Variants in SMC1B observed in about 807,000 individuals in gnomAD.
SMC1B encodes the protein structural maintenance of chromosomes protein 1B.
A neutral mutation model predicts 157.9 loss-of-function variants in SMC1B; 60 were observed. The observed-to-expected ratio is 0.38, with a 90% CI of 0.31 to 0.47. SMC1B has a LOEUF of 0.47. Ranked by LOEUF, SMC1B falls within the 20% of genes least tolerant of loss-of-function variation. SMC1B has a pLI of 0.99. For missense variants in SMC1B, 1,165 were observed against 1,426.2 expected (o/e 0.82, Z 2.95); for synonymous variants, 445 against 483.0 (o/e 0.92, Z 1.03).
chr22:45,413,019 G>A (rs1299419923), intron 1 of SMC1B, among the ~76,000 whole-genome samples: 4 of 151,762 alleles, frequency 2.6e-5, no homozygotes, highest in Non-Finnish European at 5.9e-5. Flanking sequence ...GGCCCAGGGC[G>A]GGACCGGGGC....
At chr22:45,397,660 T>C (rs2087140668) in intron 6 of SMC1B, among the ~76,000 whole-genome samples, 1 of 152,142 alleles carries the variant, frequency 6.6e-6, no homozygotes, top group African/African-American at 2.4e-5. Context: ...CCTAATTGGT[T>C]TTTCACATTG....
chr22:45,413,347 G>C lies in SMC1B; in HGVS notation c.109+112C>G, dbSNP rs2087375820. 10 of 793,104 alleles carry C rather than the reference G, an allele frequency of 1.3e-5. No individual in the cohort carries two copies. In the East Asian group the frequency reaches 2.8e-4, roughly 22 times the overall value. The allele number at this position is 793,104 out of a possible 1,614,324, so 49.1% of individuals were successfully genotyped here. On this transcript the variant is annotated intron_variant, in intron 1 of 24. Transcript: ENST00000357450. ...CGCGGTCAGGCTCCGGGACTGGAAG[G>C]GGAAGGCCGGCCAGGCGCCCGCGGC...
In SMC1B at chr22:45,407,862, A is replaced by G. The variant is rs1325109947; in HGVS notation, c.298+848T>C. 1.3e-5 allele frequency among the ~76,000 whole-genome samples: 2 copies of G among 152,012 alleles called. 1 individual carries two copies. The highest frequency in any genetic ancestry group is 3.9e-4 in the East Asian group (2 of 5,180). ...ATCAAAGGCTCAAAAGAATGCAACC[A>G]CTGGTCTCTTTTCTATCCACACCTT... is the stretch of plus-strand genomic sequence containing the variant. On this transcript the variant is annotated intron_variant, in intron 2 of 24. Transcript: ENST00000357450.
chr22:45,399,797 C>T (rs116547034), intron 5 of SMC1B, among the ~76,000 whole-genome samples: 2,643 of 152,178 alleles, frequency 0.017, 76 homozygotes, highest in African/African-American at 0.062. Flanking sequence ...GTCTGTAAGA[C>T]TAAAAGCAAA....
At chr22:45,386,794 G>T (rs1489377199) in intron 11 of SMC1B, 73 bp downstream of exon 11, 1 of 1,304,492 alleles carries the variant, frequency 7.7e-7, no homozygotes, top group Non-Finnish European at 1.1e-6. Flanking sequence ...ATATTTGTGT[G>T]TGTTTGTGTA....
chr22:45,346,859 A>G (rs922690265), intron 23 of SMC1B, among the ~76,000 whole-genome samples: 2 of 152,200 alleles, frequency 1.3e-5, no homozygotes, highest in Non-Finnish European at 2.9e-5. Context: ...AACTGCTCAT[A>G]CTCAATTCAG....
At chr22:45,357,645 A>G (rs1296882143) in intron 19 of SMC1B, among the ~76,000 whole-genome samples, 1 of 152,056 alleles carries the variant, frequency 6.6e-6, no homozygotes, top group Non-Finnish European at 1.5e-5. Flanking sequence ...CTTTGGCTAG[A>G]CATTTCATGA....
chr22:45,386,998 C>T lies in SMC1B; in HGVS notation c.1780G>A (p.Val594Met). Residue 594 changes from valine to methionine, a missense_variant, in exon 11 of 25, where the codon GTG becomes ATG. Coordinates refer to ENST00000357450, the MANE Select transcript of SMC1B (RefSeq NM_148674.5). ...AACTGAGTCTTTATGACATCAATCA[C>T]CATTTTACAGCCTTTAAGCTCCCTT... is the stretch of plus-strand genomic sequence containing the variant. ...RLRELKGCKMVIDVIKTQFPQ... is the reference protein window; with the variant it reads ...RLRELKGCKMMIDVIKTQFPQ... The T allele has an allele frequency of 2.5e-6, 4 of 1,614,002 alleles. No individual in the cohort carries two copies. Among genetic ancestry groups the T allele is most frequent in the Non-Finnish European group, 2.5e-6 (3 of 1,179,906 alleles).
chr22:45,409,398 T>C (rs2087302280), intron 1 of SMC1B, among the ~76,000 whole-genome samples: 1 of 151,848 alleles, frequency 6.6e-6, no homozygotes, highest in African/African-American at 2.4e-5. Flanking sequence ...GCCCCCTCTC[T>C]ACCAAAAAAT....
intron 4 of SMC1B, among the ~76,000 whole-genome samples, chr22:45,404,578 C>A (rs936003341): frequency 5.9e-5 from 9 of 152,222 alleles, no homozygotes; most frequent in African/African-American, 1.9e-4. Flanking sequence ...GAACATTGGT[C>A]TCTACAATCC....
At chr22:45,374,090 G>GTTTTTT (rs35971057) in intron 12 of SMC1B, among the ~76,000 whole-genome samples, 1 of 85,512 alleles carries the variant, frequency 1.2e-5, no homozygotes, top group Non-Finnish European at 2.1e-5. Flanking sequence ...AACAAAGACG[G>GTTTTTT]TTTTTTTTTT....
chr22:45,348,718 G>GTTTTTT (rs59086824), intron 23 of SMC1B, among the ~76,000 whole-genome samples: 9 of 148,204 alleles, frequency 6.1e-5, no homozygotes, highest in East Asian at 2.0e-4. Flanking sequence ...CAAAAGGACT[G>GTTTTTT]TTTTTTTTGT....
rs74676910 is a variant in SMC1B at position 45,357,693 on chromosome 22, A to G, written c.2961+1004T>C. Among the ~76,000 whole-genome samples, 1,461 of 152,366 alleles carry G rather than the reference A, an allele frequency of 9.6e-3. 25 individuals carry two copies. Among genetic ancestry groups the G allele is most frequent in the African/African-American group, 0.033 (1,382 of 41,582 alleles). On this transcript the variant is annotated intron_variant, in intron 19 of 24. Transcript: ENST00000357450. ...ACACAACACAGTCAGAAATGCTGAC[A>G]TAAACATTTTTTAAAGTAACCAATA...
chr22:45,397,783 C>A (rs191355955), intron 6 of SMC1B, among the ~76,000 whole-genome samples: 1 of 152,302 alleles, frequency 6.6e-6, no homozygotes, highest in East Asian at 1.9e-4. Context: ...CCCAGCTACA[C>A]TGGGGGAGAA....
intron 1 of SMC1B, among the ~76,000 whole-genome samples, chr22:45,409,884 A>G (rs1798136038): frequency 6.6e-6 from 1 of 152,236 alleles, no homozygotes; most frequent in Non-Finnish European, 1.5e-5. Context: ...GGATTCTGGA[A>G]TATTATTTTA....
At chr22:45,410,972 T>G (rs1441787711) in intron 1 of SMC1B, among the ~76,000 whole-genome samples, 2 of 152,228 alleles carry the variant, frequency 1.3e-5, no homozygotes, top group Middle Eastern at 6.3e-3. Flanking sequence ...AAACATTCAC[T>G]GAATTAAATT....
intron 19 of SMC1B, among the ~76,000 whole-genome samples, chr22:45,355,939 G>A (rs576531682): frequency 2.0e-5 from 3 of 152,226 alleles, no homozygotes; most frequent in Admixed American, 6.5e-5. Flanking sequence ...GCATGGTGGC[G>A]GATGCCTGTA....
chr22:45,408,274 T>C (rs2087287247), intron 2 of SMC1B, among the ~76,000 whole-genome samples: 1 of 152,122 alleles, frequency 6.6e-6, no homozygotes, highest in South Asian at 2.1e-4. Flanking sequence ...TACAGGTGCC[T>C]GCCACCTCGC....
rs1270709686 is a variant in SMC1B, at chr22:45,402,556, T to C, written c.631A>G (p.Ser211Gly). 6.2e-7 allele frequency: 1 copy of C among 1,612,806 alleles called. No individual in the cohort carries two copies. The highest frequency in any genetic ancestry group is 1.3e-5 in the African/African-American group (1 of 74,882). ...TTCATTTTCAGTTCTTCAAGGAGACTCTGGTAACGTTCTGCCTATAAAAGA... is the reference window on the plus strand; with the variant it reads ...TTCATTTTCAGTTCTTCAAGGAGACCCTGGTAACGTTCTGCCTATAAAAGA... Reference protein sequence around the residue: ...LEKEEAERYQSLLEELKMNKI... With the variant: ...LEKEEAERYQGLLEELKMNKI... Residue 211 changes from serine (S) to glycine (G), a missense_variant, in exon 5 of 25, where the codon AGT becomes GGT. Ser to Gly is a moderately conservative substitution (Grantham distance 56). Coordinates refer to ENST00000357450, the MANE Select transcript of SMC1B (RefSeq NM_148674.5).
Sources: gnomAD v4.1 joint callset for allele counts (sites outside exome capture counted in the v4.1 genomes callset) on GRCh38, gnomAD v4.1.1 for gene constraint, MANE v1.5 for transcripts, NCBI Gene and HGNC (gene_info 2026-07-23, HGNC 2026-07-21) for gene names.